The following OSBPL8 variants were observed in gnomAD, a reference collection of about 807,000 sequenced individuals.
The protein encoded by OSBPL8 is oxysterol-binding protein-related protein 8.
A neutral mutation model predicts 125.5 loss-of-function variants in OSBPL8; 59 were observed. That is an observed-to-expected ratio of 0.47 (90% CI 0.38 to 0.58). The LOEUF (loss-of-function observed/expected upper bound fraction) is 0.58. OSBPL8 is among the 20% of genes least tolerant of loss of function. The pLI, the probability that OSBPL8 is intolerant of heterozygous loss-of-function variation, is 0.00. For synonymous variants in OSBPL8, 330 were observed against 338.9 expected, an observed-to-expected ratio of 0.97 and a Z score of 0.29; for missense variants, 758 against 1,047.8, an observed-to-expected ratio of 0.72 and a Z score of 3.82.
intron 1 of OSBPL8, among the ~76,000 whole-genome samples, chr12:76,524,785 G>C (rs921976279): frequency 2.6e-5 from 4 of 151,308 alleles, no homozygotes; most frequent in Non-Finnish European, 5.9e-5. Context: ...CCAGGTTCAA[G>C]TGATTCTCCT....
At chr12:76,367,689 C>T (rs1040064085) in intron 21 of OSBPL8, among the ~76,000 whole-genome samples, 2 of 151,982 alleles carry the variant, frequency 1.3e-5, no homozygotes, top group Middle Eastern at 3.4e-3. Flanking sequence ...TGTTTCAATT[C>T]CCTTCTCATT....
At chr12:76,493,420 T>G (rs1265284469) in intron 1 of OSBPL8, among the ~76,000 whole-genome samples, 1 of 152,246 alleles carries the variant, frequency 6.6e-6, no homozygotes, top group Admixed American at 6.5e-5. Context: ...TTACTGGTGG[T>G]TAACTCCCTC....
At chr12:76,452,434 A>T (rs1243173832) in intron 3 of OSBPL8, among the ~76,000 whole-genome samples, 1 of 151,678 alleles carries the variant, frequency 6.6e-6, no homozygotes, top group Non-Finnish European at 1.5e-5. Flanking sequence ...CCTTATAATC[A>T]CCTCTTAATT....
chr12:76,359,675 T>C (rs911276097), intron 21 of OSBPL8, among the ~76,000 whole-genome samples: 7 of 152,174 alleles, frequency 4.6e-5, no homozygotes, highest in African/African-American at 1.7e-4. Context: ...CGCAAAATCA[T>C]GGCAGATGGC....
intron 14 of OSBPL8, among the ~76,000 whole-genome samples, chr12:76,384,884 A>G (rs1953239038): frequency 1.3e-5 from 2 of 152,150 alleles, no homozygotes; most frequent in South Asian, 4.1e-4. Flanking sequence ...GAACCACCCA[A>G]CTAAGCAGCT....
At chr12:76,531,693 G>A (rs1950342947) in intron 1 of OSBPL8, among the ~76,000 whole-genome samples, 1 of 152,092 alleles carries the variant, frequency 6.6e-6, no homozygotes, top group Non-Finnish European at 1.5e-5. Context: ...TGAAGGTATA[G>A]TAATTGTTTA....
At chr12:76,540,581 T>C (rs957690242) in intron 1 of OSBPL8, among the ~76,000 whole-genome samples, 4 of 150,376 alleles carry the variant, frequency 2.7e-5, no homozygotes, top group Non-Finnish European at 5.9e-5. Flanking sequence ...GGTGGGCTAT[T>C]TCAGACATAA....
intron 7 of OSBPL8, 78 bp downstream of exon 7, chr12:76,399,795 G>T (rs146338396): frequency 1.0e-5 from 11 of 1,102,964 alleles, no homozygotes; most frequent in African/African-American, 3.2e-5. Flanking sequence ...TCTTGTAGGC[G>T]TTAGGTATAC....
At chr12:76,415,272 T>C (rs1782749240) in intron 4 of OSBPL8, among the ~76,000 whole-genome samples, 2 of 149,594 alleles carry the variant, frequency 1.3e-5, no homozygotes, top group Non-Finnish European at 1.5e-5. Flanking sequence ...TGAGATGGAG[T>C]CTCGCTCTGT....
At chr12:76,503,632 G>A (rs1218888617) in intron 1 of OSBPL8, among the ~76,000 whole-genome samples, 3 of 152,120 alleles carry the variant, frequency 2.0e-5, no homozygotes, top group African/African-American at 7.2e-5. Context: ...TCCGCCTCCT[G>A]GGTTCACGCC....
At chr12:76,452,493 C>G (rs1873537109) in intron 3 of OSBPL8, among the ~76,000 whole-genome samples, 1 of 152,124 alleles carries the variant, frequency 6.6e-6, no homozygotes, top group Non-Finnish European at 1.5e-5. Flanking sequence ...TGATTCTGCT[C>G]ATCCTTCAAA....
At chr12:76,443,494 A>C (rs550312603) in intron 4 of OSBPL8, among the ~76,000 whole-genome samples, 20 of 152,160 alleles carry the variant, frequency 1.3e-4, no homozygotes, top group African/African-American at 3.6e-4. Context: ...GAGCCTAATT[A>C]ATCTACATTT....
At chr12:76,452,038 A>C (rs2136746833) in intron 3 of OSBPL8, among the ~76,000 whole-genome samples, 1 of 151,730 alleles carries the variant, frequency 6.6e-6, no homozygotes, top group African/African-American at 2.4e-5. Flanking sequence ...AATCGCTTGA[A>C]CCTGGGGGGC....
intron 2 of OSBPL8, among the ~76,000 whole-genome samples, chr12:76,463,179 A>G (rs1874958951): frequency 6.6e-6 from 1 of 152,186 alleles, no homozygotes; most frequent in Non-Finnish European, 1.5e-5. Flanking sequence ...TCGTGGACCA[A>G]AGTGTTAGCA....
At chr12:76,480,409 C>T (rs1330548098) in intron 2 of OSBPL8, among the ~76,000 whole-genome samples, 1 of 152,016 alleles carries the variant, frequency 6.6e-6, no homozygotes, top group Non-Finnish European at 1.5e-5. Context: ...CAATGTCAAT[C>T]CAAGTTGATA....
At chr12:76,374,018 G>C (rs1207642846) in intron 17 of OSBPL8, among the ~76,000 whole-genome samples, 1 of 152,076 alleles carries the variant, frequency 6.6e-6, no homozygotes, top group Non-Finnish European at 1.5e-5. Context: ...CATTCATCAT[G>C]ATCTTCAAAC....
rs1555211073 is a variant in OSBPL8 at position 76,386,271 on chromosome 12, T to TG, written c.1435-6_1435-5insC. The TG allele has an allele frequency of 2.7e-6, 4 of 1,473,608 alleles. No individual in the cohort carries two copies. The highest frequency in any genetic ancestry group is 2.4e-5 in the Admixed American group (1 of 42,472). The allele number at this position is 1,473,608 out of a possible 1,614,324, so 91.3% of individuals were successfully genotyped here. On this transcript the variant is annotated splice_region_variant and splice_polypyrimidine_tract_variant and intron_variant, in intron 13 of 23. Transcript: ENST00000261183. ...ATTATAAGGTTTCTTCAGTCCCTGG[T>TG]AAAAAAAAAAAAAAGCAATTTCAAA...
At chr12:76,439,374 A>G (rs147902298) in intron 4 of OSBPL8, among the ~76,000 whole-genome samples, 1,730 of 151,710 alleles carry the variant, frequency 0.011, 39 homozygotes, top group African/African-American at 0.04. Flanking sequence ...GTGAGACTCC[A>G]TCTCCAAAAA....
chr12:76,386,526 A>G, intron 13 of OSBPL8, 53 bp downstream of exon 13: 5 of 1,475,990 alleles, frequency 3.4e-6, no homozygotes, highest in Non-Finnish European at 4.6e-6. Flanking sequence ...TACATAAAAT[A>G]TAAAGAATTC....
Sources: gnomAD v4.1 joint callset for allele counts (sites outside exome capture counted in the v4.1 genomes callset) on GRCh38, gnomAD v4.1.1 for gene constraint, MANE v1.5 for transcripts, NCBI Gene and HGNC (gene_info 2026-07-23, HGNC 2026-07-21) for gene names.